The following GLT1D1 variants were observed in gnomAD, a reference collection of about 807,000 sequenced individuals.
GLT1D1 encodes glycosyltransferase 1 domain-containing protein 1.
GLT1D1 carries 21 observed loss-of-function variants against 28.7 expected under a neutral mutation model. The observed-to-expected ratio is 0.73, with a 90% CI of 0.52 to 1.05. The LOEUF (loss-of-function observed/expected upper bound fraction) is 1.05, where lower values mean the gene tolerates loss of function less well. GLT1D1 is among the 50% of genes least tolerant of loss of function. GLT1D1 has a pLI of 0.00. For missense variants in GLT1D1, 343 were observed against 330.6 expected, an observed-to-expected ratio of 1.04 and a Z score of -0.29; for synonymous variants, 147 against 124.8, an observed-to-expected ratio of 1.18 and a Z score of -1.19.
intron 4 of GLT1D1, among the ~76,000 whole-genome samples, chr12:128,906,353 C>T (rs576763173): frequency 1.3e-5 from 2 of 152,206 alleles, no homozygotes; most frequent in Non-Finnish European, 1.5e-5. Flanking sequence ...ATCAGAATTT[C>T]ACCAGAAAAT....
chr12:128,945,513 T>C (rs988117410), intron 5 of GLT1D1, 144 bp downstream of exon 9: 1 of 739,446 alleles, frequency 1.4e-6, no homozygotes, highest in Non-Finnish European at 2.5e-6. Context: ...GGCGAGCCCG[T>C]GGCATCCTAG....
chr12:128,927,657 C>T (rs980674447), intron 4 of GLT1D1, among the ~76,000 whole-genome samples: 1 of 152,066 alleles, frequency 6.6e-6, no homozygotes, highest in Admixed American at 6.6e-5. Context: ...TGAATCTTGA[C>T]GACTAATTTA....
chr12:128,946,643 T>C (rs1302852408), intron 5 of GLT1D1, among the ~76,000 whole-genome samples: 14 of 65,346 alleles, frequency 2.1e-4, no homozygotes, highest in Middle Eastern at 0.011. Flanking sequence ...TCCTTTTTTT[T>C]TTTTTTTTTT....
intron 2 of GLT1D1, among the ~76,000 whole-genome samples, chr12:128,877,647 T>C (rs78431314): frequency 5.4e-4 from 82 of 152,376 alleles, no homozygotes; most frequent in African/African-American, 1.9e-3. Context: ...CACTGTATTA[T>C]TTCTCATTTC....
At chr12:128,878,166 G>C (rs1212994441) in intron 2 of GLT1D1, among the ~76,000 whole-genome samples, 2 of 152,178 alleles carry the variant, frequency 1.3e-5, no homozygotes, top group Non-Finnish European at 2.9e-5. Context: ...GCATGCATAT[G>C]AGGAGGTTCA....
At chr12:128,963,704 C>G (rs1461044315) in intron 7 of GLT1D1, among the ~76,000 whole-genome samples, 1 of 152,136 alleles carries the variant, frequency 6.6e-6, no homozygotes, top group Non-Finnish European at 1.5e-5. Context: ...TGTGCTGGCT[C>G]CTATCACGCA....
intron 4 of GLT1D1, among the ~76,000 whole-genome samples, chr12:128,930,627 G>A (rs1164895381): frequency 1.3e-5 from 2 of 152,132 alleles, no homozygotes; most frequent in Admixed American, 6.6e-5. Context: ...CTGAACTGAC[G>A]ATCATCTGGT....
At chr12:128,888,846 A>G in intron 3 of GLT1D1, 102 bp downstream of exon 3, 4 of 736,282 alleles carry the variant, frequency 5.4e-6, no homozygotes, top group South Asian at 1.8e-5. Flanking sequence ...GAAGGTTTAC[A>G]TCTTAGCACT....
intron 4 of GLT1D1, among the ~76,000 whole-genome samples, chr12:128,917,803 A>T (rs932440716): frequency 6.6e-6 from 1 of 152,220 alleles, no homozygotes; most frequent in Non-Finnish European, 1.5e-5. Flanking sequence ...AATGGCGATT[A>T]TTAAGAGGCC....
chr12:128,864,115 C>A, intron 1 of GLT1D1: 2 of 665,994 alleles, frequency 3.0e-6, no homozygotes, highest in Non-Finnish European at 2.7e-6. Flanking sequence ...CTGGCTGATG[C>A]CAGCTCGGCT....
chr12:128,957,416 G>A, intron 6 of GLT1D1, 129 bp from the exon 11 acceptor site: 1 of 609,776 alleles, frequency 1.6e-6, no homozygotes, highest in Non-Finnish European at 3.0e-6. Context: ...GTTTTGGAAA[G>A]GCGTATTTTT....
chr12:128,922,405 C>G (rs1309386322), intron 4 of GLT1D1, among the ~76,000 whole-genome samples: 1 of 152,140 alleles, frequency 6.6e-6, no homozygotes, highest in African/African-American at 2.4e-5. Flanking sequence ...TAGGCTTGGA[C>G]TGTTTCTCCT....
intron 4 of GLT1D1, among the ~76,000 whole-genome samples, chr12:128,921,816 A>G (rs565136225): frequency 1.4e-5 from 2 of 140,170 alleles, no homozygotes; most frequent in East Asian, 2.1e-4. Flanking sequence ...GAAGAATTAA[A>G]CAGAGTCTCT....
intron 7 of GLT1D1, among the ~76,000 whole-genome samples, chr12:128,979,533 A>G (rs548991707): frequency 2.0e-5 from 3 of 152,056 alleles, no homozygotes; most frequent in East Asian, 3.9e-4. Flanking sequence ...CAATAAACCC[A>G]CTGGAAGCTG....
intron 1 of GLT1D1, among the ~76,000 whole-genome samples, chr12:128,860,455 C>T (rs764974562): frequency 1.2e-4 from 18 of 152,232 alleles, no homozygotes; most frequent in Admixed American, 5.2e-4. Flanking sequence ...AGTGAGACTC[C>T]GTCTCAACAA....
At chr12:128,940,852 G>A (rs888948296) in intron 4 of GLT1D1, among the ~76,000 whole-genome samples, 3 of 152,230 alleles carry the variant, frequency 2.0e-5, no homozygotes, top group Non-Finnish European at 4.4e-5. Context: ...AAGCCAGTGG[G>A]TTTTAGTCTA....
At chr12:128,961,499 T>C (rs1877938833) in intron 7 of GLT1D1, among the ~76,000 whole-genome samples, 1 of 152,170 alleles carries the variant, frequency 6.6e-6, no homozygotes, top group Non-Finnish European at 1.5e-5. Context: ...GAAGGAGTCA[T>C]GTCATTTATG....
chr12:128,908,342 CTTT>C (rs1348493255), intron 4 of GLT1D1, among the ~76,000 whole-genome samples: 13 of 140,102 alleles, frequency 9.3e-5, no homozygotes, highest in African/African-American at 3.6e-4. Flanking sequence ...TTCTTTCTTT[CTTT>C]CCCTTTCTTT....
At chr12:128,971,532 T>A (rs1185820635) in intron 7 of GLT1D1, among the ~76,000 whole-genome samples, 2 of 115,042 alleles carry the variant, frequency 1.7e-5, no homozygotes, top group Non-Finnish European at 3.6e-5. Context: ...TTCTGTCCCT[T>A]TCTCTCTCCT....
Sources: allele counts gnomAD v4.1 joint callset (sites outside exome capture counted in the v4.1 genomes callset), GRCh38; gene constraint gnomAD v4.1.1; transcripts MANE v1.5; gene names NCBI Gene and HGNC (gene_info 2026-07-23, HGNC 2026-07-21).